Variants in UQCC1 observed in about 807,000 individuals in gnomAD.
The protein encoded by UQCC1 is bFGF-repressed Zic-binding protein.
A neutral mutation model predicts 48.0 loss-of-function variants in UQCC1; 38 were observed. That is an observed-to-expected ratio of 0.79 (90% CI 0.61 to 1.04). UQCC1 has a LOEUF of 1.04. Among genes scored for constraint, UQCC1 ranks in the 50% least tolerant of loss-of-function variants. The pLI is 0.00. For synonymous variants in UQCC1, 111 were observed against 129.2 expected, an observed-to-expected ratio of 0.86 and a Z score of 0.95; for missense variants, 368 against 381.8, an observed-to-expected ratio of 0.96 and a Z score of 0.30.
chr20:35,409,018 T>C (rs1301587455), intron 1 of UQCC1, among the ~76,000 whole-genome samples: 1 of 152,176 alleles, frequency 6.6e-6, no homozygotes, highest in African/African-American at 2.4e-5. Context: ...GAAAGTAGAA[T>C]GGTGGCTGCC....
At chr20:35,342,872 C>T (rs755223021) in intron 7 of UQCC1, among the ~76,000 whole-genome samples, 1 of 152,068 alleles carries the variant, frequency 6.6e-6, no homozygotes, top group Non-Finnish European at 1.5e-5. Flanking sequence ...GCTTTTTGTA[C>T]CAGCTTCACG....
At chr20:35,355,429 T>C (rs1211516991) in intron 6 of UQCC1, among the ~76,000 whole-genome samples, 1 of 152,210 alleles carries the variant, frequency 6.6e-6, no homozygotes, top group Non-Finnish European at 1.5e-5. Context: ...ACCTAATTCT[T>C]TCCCTGAGTT....
chr20:35,346,793 A>AT (rs1326438121), intron 7 of UQCC1: 3 of 556,492 alleles, frequency 5.4e-6, no homozygotes, highest in Non-Finnish European at 9.3e-6. Context: ...ATCAGAACTA[A>AT]TTTATAGAAG....
intron 6 of UQCC1, among the ~76,000 whole-genome samples, chr20:35,361,604 T>C (rs6120922): frequency 0.028 from 4,270 of 152,278 alleles, 209 homozygotes; most frequent in African/African-American, 0.097. Flanking sequence ...AATTTAAGTA[T>C]TTAATTAGTT....
intron 6 of UQCC1, among the ~76,000 whole-genome samples, chr20:35,363,189 A>C (rs907764329): frequency 6.6e-6 from 1 of 152,142 alleles, no homozygotes; most frequent in African/African-American, 2.4e-5. Context: ...AGTCAAAAAA[A>C]TTTTGAGTTA....
At chr20:35,325,486 G>A (rs931506120) in intron 7 of UQCC1, among the ~76,000 whole-genome samples, 1 of 152,146 alleles carries the variant, frequency 6.6e-6, no homozygotes, top group Non-Finnish European at 1.5e-5. Flanking sequence ...GTGGTATCAT[G>A]AGCTAACTGA....
chr20:35,307,419 G>A (rs534569574), intron 8 of UQCC1, among the ~76,000 whole-genome samples: 10 of 152,238 alleles, frequency 6.6e-5, no homozygotes, highest in Admixed American at 6.5e-4. Context: ...TGTGCCTAAC[G>A]CTGCCTCTTT....
intron 6 of UQCC1, among the ~76,000 whole-genome samples, chr20:35,349,802 AC>A (rs1344031009): frequency 5.3e-5 from 8 of 152,126 alleles, no homozygotes; most frequent in Admixed American, 2.0e-4. Context: ...TTTGAGACCA[AC>A]CTGGGCAACA....
chr20:35,343,889 T>C (rs1195346096), intron 7 of UQCC1, among the ~76,000 whole-genome samples: 1 of 152,152 alleles, frequency 6.6e-6, no homozygotes, highest in East Asian at 1.9e-4. Flanking sequence ...AGGTGAACCA[T>C]AGGCACATTA....
chr20:35,338,599 C>A (rs1343348299), intron 7 of UQCC1, among the ~76,000 whole-genome samples: 6 of 151,854 alleles, frequency 4.0e-5, no homozygotes, highest in Middle Eastern at 3.4e-3. Flanking sequence ...GTAATCCCAG[C>A]ACTTTGGGAG....
At chr20:35,316,035 G>C (rs558976325) in intron 7 of UQCC1, among the ~76,000 whole-genome samples, 7 of 152,230 alleles carry the variant, frequency 4.6e-5, no homozygotes, top group African/African-American at 1.7e-4. Flanking sequence ...CCTTCAATAG[G>C]GTACAACTCT....
chr20:35,354,418 A>T (rs143806635), intron 6 of UQCC1, among the ~76,000 whole-genome samples: 2,702 of 145,466 alleles, frequency 0.019, 84 homozygotes, highest in African/African-American at 0.066. Context: ...TTGTTTTGAG[A>T]CAGAGTCTTG....
chr20:35,374,933 G>A (rs942302617), intron 4 of UQCC1, among the ~76,000 whole-genome samples: 6 of 151,672 alleles, frequency 4.0e-5, no homozygotes, highest in African/African-American at 1.2e-4. Context: ...ATATTACACT[G>A]TATATAAATT....
chr20:35,403,910 G>C (rs906419243), intron 1 of UQCC1, among the ~76,000 whole-genome samples: 1 of 152,124 alleles, frequency 6.6e-6, no homozygotes, highest in East Asian at 1.9e-4. Flanking sequence ...AGGGCCTGTC[G>C]TGGGGTGGGG....
chr20:35,411,879 C>T, intron 1 of UQCC1, 61 bp downstream of exon 1: 1 of 1,609,038 alleles, frequency 6.2e-7, no homozygotes, highest in Non-Finnish European at 8.5e-7. Context: ...TCCCGCCCTG[C>T]CTTGTCGAAC....
At chr20:35,364,688 C>T (rs749567024) in intron 6 of UQCC1, among the ~76,000 whole-genome samples, 2 of 152,192 alleles carry the variant, frequency 1.3e-5, no homozygotes, top group Non-Finnish European at 2.9e-5. Context: ...CCCTACTCCT[C>T]AGAAATTAAA....
chr20:35,375,304 T>G (rs543388628), intron 4 of UQCC1, among the ~76,000 whole-genome samples: 2 of 152,294 alleles, frequency 1.3e-5, no homozygotes, highest in African/African-American at 4.8e-5. Flanking sequence ...TTCTAAATTC[T>G]CTAGAGTTAA....
Position 35,379,594 on chromosome 20 carries a change from C to A in UQCC1, c.333+2324G>T, listed in dbSNP as rs899154321. Among the ~76,000 whole-genome samples the A allele has an allele frequency of 1.8e-4, 27 of 152,260 alleles. 1 individual carries two copies. The highest frequency in any genetic ancestry group is 6.3e-4 in the African/African-American group (26 of 41,544). ...CAAGGCAGGCGGAATCACTTGAGGT[C>A]AGGAGTTGGAGACCAGGCTGGCCCA... On this transcript the variant is annotated intron_variant, in intron 4 of 9. Coordinates refer to ENST00000374385, the MANE Select transcript of UQCC1 (RefSeq NM_018244.5).
At chr20:35,378,278 G>A (rs1421441763) in intron 4 of UQCC1, among the ~76,000 whole-genome samples, 1 of 152,130 alleles carries the variant, frequency 6.6e-6, no homozygotes, top group Non-Finnish European at 1.5e-5. Flanking sequence ...CCTACAGGAT[G>A]AAAAACAAAT....
Sources: allele counts gnomAD v4.1 joint callset (sites outside exome capture counted in the v4.1 genomes callset), GRCh38; gene constraint gnomAD v4.1.1; transcripts MANE v1.5; gene names NCBI Gene and HGNC (gene_info 2026-07-23, HGNC 2026-07-21).